The following NELL1 variants were observed in gnomAD, a reference collection of about 807,000 sequenced individuals.
NELL1 encodes the protein protein kinase C-binding protein NELL1.
NELL1 carries 76 observed loss-of-function variants against 107.4 expected under a neutral mutation model. That is an observed-to-expected ratio of 0.71 (90% CI 0.59 to 0.86). The LOEUF (loss-of-function observed/expected upper bound fraction) is 0.86. Among genes scored for constraint, NELL1 ranks in the 40% least tolerant of loss-of-function variants. The pLI is 0.00. For synonymous variants in NELL1, 353 were observed against 341.2 expected (o/e 1.03, Z -0.38); for missense variants, 1,024 against 1,005.5 (o/e 1.02, Z -0.25).
At chr11:21,444,760 A>T (rs1200823708) in intron 15 of NELL1, among the ~76,000 whole-genome samples, 1 of 152,116 alleles carries the variant, frequency 6.6e-6, no homozygotes, top group Non-Finnish European at 1.5e-5. Flanking sequence ...TAGTTATTTT[A>T]AAATGTACAA....
At chr11:21,029,599 T>C (rs558564483) in intron 12 of NELL1, among the ~76,000 whole-genome samples, 1 of 152,080 alleles carries the variant, frequency 6.6e-6, no homozygotes, top group Admixed American at 6.6e-5. Context: ...CTCTGAAAAC[T>C]CCATTTTAAT....
Position 20,669,835 on chromosome 11 carries a change from C to G in NELL1, c.55+57C>G. Reference sequence around the variant, plus strand: ...GGGAAATGGGGGTGCCCACAGACCACGGCGGCGTGGGGAGACCTGGAGCCG... The same window carrying G: ...GGGAAATGGGGGTGCCCACAGACCAGGGCGGCGTGGGGAGACCTGGAGCCG... On this transcript the variant is annotated intron_variant, in intron 1 of 19. Transcript: ENST00000357134. This position sits in a 1 kb window ranked among gnomAD's most constrained non-coding sequence, Gnocchi z 4.4. 1 of 1,475,992 alleles carries G rather than the reference C, an allele frequency of 6.8e-7. No individual in the cohort carries two copies. The highest frequency in any genetic ancestry group is 9.5e-7 in the Non-Finnish European group (1 of 1,055,308). The allele number at this position is 1,475,992 out of a possible 1,614,324, so 91.4% of individuals were successfully genotyped here.
At chr11:21,152,637 A>G (rs1416167420) in intron 13 of NELL1, among the ~76,000 whole-genome samples, 4 of 152,138 alleles carry the variant, frequency 2.6e-5, no homozygotes, top group Non-Finnish European at 5.9e-5. Flanking sequence ...ATTTTATCAT[A>G]CTCAGCTCTT....
At chr11:21,001,143 G>A (rs1035976760) in intron 12 of NELL1, 1 of 152,098 alleles carries the variant, frequency 6.6e-6, no homozygotes, top group African/African-American at 2.4e-5. Context: ...ACCTTCCAAA[G>A]TTTTCTCCTA....
At chr11:20,681,343 T>G (rs113486711) in intron 2 of NELL1, among the ~76,000 whole-genome samples, 6,692 of 152,216 alleles carry the variant, frequency 0.044, 483 homozygotes, top group African/African-American at 0.15. Flanking sequence ...TATTTTACTT[T>G]CCACATAACT....
intron 13 of NELL1, among the ~76,000 whole-genome samples, chr11:21,150,912 G>A (rs548295444): frequency 2.6e-4 from 39 of 152,184 alleles, no homozygotes; most frequent in Non-Finnish European, 1.0e-4. Flanking sequence ...ATGGTGGAAG[G>A]GCAAAGGGGA....
intron 5 of NELL1, among the ~76,000 whole-genome samples, chr11:20,892,173 T>A (rs1353349610): frequency 1.3e-5 from 2 of 152,174 alleles, no homozygotes; most frequent in Non-Finnish European, 2.9e-5. Flanking sequence ...GTCTCTCAGA[T>A]CACGGTGCGA....
intron 4 of NELL1, among the ~76,000 whole-genome samples, chr11:20,871,835 T>A (rs893043000): frequency 6.6e-6 from 1 of 151,528 alleles, no homozygotes; most frequent in African/African-American, 2.4e-5. Context: ...CTGGCTAACA[T>A]GGTGAAACCC....
chr11:20,929,930 C>G (rs1850582322), intron 9 of NELL1, among the ~76,000 whole-genome samples: 1 of 150,534 alleles, frequency 6.6e-6, no homozygotes. Flanking sequence ...TGAGATCGCG[C>G]CACTGCACTC....
intron 15 of NELL1, among the ~76,000 whole-genome samples, chr11:21,474,876 C>A (rs922491876): frequency 6.6e-6 from 1 of 152,074 alleles, no homozygotes; most frequent in African/African-American, 2.4e-5. Flanking sequence ...ATAATACTAG[C>A]AATGGTTCTC....
chr11:21,218,520 T>C (rs1006039979), intron 13 of NELL1, among the ~76,000 whole-genome samples: 1 of 152,164 alleles, frequency 6.6e-6, no homozygotes, highest in Non-Finnish European at 1.5e-5. Flanking sequence ...TTCCAGTATT[T>C]AAAAATATGC....
At chr11:20,673,090 G>C (rs1243254582) in intron 1 of NELL1, among the ~76,000 whole-genome samples, 1 of 150,972 alleles carries the variant, frequency 6.6e-6, no homozygotes, top group Non-Finnish European at 1.5e-5. Flanking sequence ...TCGAACTCCT[G>C]ACCTCAGGTG....
At chr11:21,313,854 A>T (rs115510936) in intron 14 of NELL1, among the ~76,000 whole-genome samples, 1 of 151,980 alleles carries the variant, frequency 6.6e-6, no homozygotes, top group African/African-American at 2.4e-5. Context: ...GTATTGGAGG[A>T]GGGGCCTGGT....
intron 13 of NELL1, among the ~76,000 whole-genome samples, chr11:21,119,506 G>A (rs1369882479): frequency 2.0e-5 from 3 of 152,056 alleles, no homozygotes; most frequent in Non-Finnish European, 4.4e-5. Context: ...CCTGGGGACT[G>A]GGGTTTCCCT....
At chr11:20,745,903 T>C (rs761096439) in intron 2 of NELL1, among the ~76,000 whole-genome samples, 14 of 152,246 alleles carry the variant, frequency 9.2e-5, no homozygotes, top group South Asian at 2.1e-4. Flanking sequence ...ACTCTGAGCT[T>C]AGTGTTCTTT....
At chr11:21,130,227 T>C (rs1050506806) in intron 13 of NELL1, among the ~76,000 whole-genome samples, 2 of 152,222 alleles carry the variant, frequency 1.3e-5, no homozygotes, top group African/African-American at 2.4e-5. Context: ...ATCCTGTGAG[T>C]ATCTCTAGTA....
chr11:20,740,424 T>C (rs929331715), intron 2 of NELL1, among the ~76,000 whole-genome samples: 1 of 152,218 alleles, frequency 6.6e-6, no homozygotes, highest in African/African-American at 2.4e-5. Flanking sequence ...TCCCAGGCTC[T>C]TGCTCCTCTC....
rs146367766 is a variant in NELL1 at position 21,052,519 on chromosome 11, G to T, written c.1301-61070G>T. On this transcript the variant is annotated intron_variant, in intron 12 of 19. Transcript: ENST00000357134. ...ATAGCCAATAATTTATGAATGTAGT[G>T]AGTCAATCAATAAACATTTATCGAG... 1.5e-4 allele frequency among the ~76,000 whole-genome samples: 23 copies of T among 152,208 alleles called. No individual in the cohort carries two copies. The East Asian group carries it at 4.3e-3, about 28-fold the overall frequency.
At chr11:21,061,408 T>G (rs2134363146) in intron 12 of NELL1, among the ~76,000 whole-genome samples, 1 of 152,312 alleles carries the variant, frequency 6.6e-6, no homozygotes, top group South Asian at 2.1e-4. Flanking sequence ...AGTAGAACTT[T>G]GAAGGGTACA....
Sources: allele counts gnomAD v4.1 joint callset (sites outside exome capture counted in the v4.1 genomes callset), GRCh38; gene constraint gnomAD v4.1.1; non-coding constraint Gnocchi (gnomAD v3.1); transcripts MANE v1.5; gene names NCBI Gene and HGNC (gene_info 2026-07-23, HGNC 2026-07-21).